DPP10: variants seen among roughly 807,000 people sequenced by gnomAD.
The protein encoded by DPP10 is dipeptidyl peptidase like 10, also known as inactive dipeptidyl peptidase 10.
DPP10 carries 33 observed loss-of-function variants against 120.9 expected under a neutral mutation model. The observed-to-expected ratio is 0.27, with a 90% CI of 0.21 to 0.37. The LOEUF is 0.37. Among genes scored for constraint, DPP10 ranks in the 10% least tolerant of loss-of-function variants. The pLI, the probability that DPP10 is intolerant of heterozygous loss-of-function variation, is 1.00. For missense variants in DPP10, 816 were observed against 942.8 expected, an observed-to-expected ratio of 0.87 and a Z score of 1.76; for synonymous variants, 337 against 326.1, an observed-to-expected ratio of 1.03 and a Z score of -0.36.
At chr2:114,538,375 C>T (rs1024454392) in intron 1 of DPP10, among the ~76,000 whole-genome samples, 7 of 152,134 alleles carry the variant, frequency 4.6e-5, no homozygotes, top group Admixed American at 2.0e-4. Flanking sequence ...TTTTGGAGAT[C>T]TAGTGCAAAC....
At chr2:115,397,917 G>C (rs1559542091) in intron 3 of DPP10, among the ~76,000 whole-genome samples, 1 of 152,148 alleles carries the variant, frequency 6.6e-6, no homozygotes, top group East Asian at 1.9e-4. Context: ...AACCTCTGTT[G>C]AATCCCAAAT....
chr2:114,525,866 T>A (rs1685455971), intron 1 of DPP10, among the ~76,000 whole-genome samples: 1 of 152,194 alleles, frequency 6.6e-6, no homozygotes, highest in Admixed American at 6.5e-5. Flanking sequence ...GCATCCTACC[T>A]TTACCATGAA....
In DPP10 at chr2:115,766,310, G is replaced by GTGTGTGTGTATATA. The variant is rs1371625141; in HGVS notation, c.1114-1986_1114-1985insGTGTGTGTATATAT. On this transcript the variant is annotated intron_variant, in intron 12 of 25. Coordinates refer to ENST00000410059, the MANE Select transcript of DPP10 (RefSeq NM_020868.6). ...TATGTGTGTGTGTGTGTGTGTGTGT[G>GTGTGTGTGTATATA]TATATATATATATATGTATATATAT... Among the ~76,000 whole-genome samples, 37 of 81,734 alleles carry GTGTGTGTGTATATA rather than the reference G, an allele frequency of 4.5e-4. 1 individual carries two copies. Among genetic ancestry groups the GTGTGTGTGTATATA allele is most frequent in the East Asian group, 1.2e-3 (2 of 1,632 alleles). 53.6% of individuals were successfully genotyped at this position (81,734 alleles called of 152,430 possible).
At chr2:115,370,771 T>A (rs916448612) in intron 3 of DPP10, among the ~76,000 whole-genome samples, 3 of 152,070 alleles carry the variant, frequency 2.0e-5, no homozygotes, top group African/African-American at 7.2e-5. Context: ...TGTTAAAACA[T>A]GAACTGGTAG....
chr2:114,886,456 C>T (rs1339421501), intron 1 of DPP10, among the ~76,000 whole-genome samples: 1 of 152,112 alleles, frequency 6.6e-6, no homozygotes, highest in Non-Finnish European at 1.5e-5. Context: ...TTTAAAACCC[C>T]ATAATAGTGC....
At chr2:115,781,973 T>C (rs1225929435) in intron 16 of DPP10, among the ~76,000 whole-genome samples, 1 of 151,964 alleles carries the variant, frequency 6.6e-6, no homozygotes, top group Non-Finnish European at 1.5e-5. Context: ...GAGTGGCAAA[T>C]AGAATTTGAT....
chr2:114,884,864 C>T (rs1161840862), intron 1 of DPP10, among the ~76,000 whole-genome samples: 1 of 152,158 alleles, frequency 6.6e-6, no homozygotes, highest in African/African-American at 2.4e-5. Context: ...GTCTCCAATA[C>T]AAGTTGGAGA....
intron 1 of DPP10, among the ~76,000 whole-genome samples, chr2:114,897,239 T>C (rs1693094629): frequency 6.6e-6 from 1 of 152,214 alleles, no homozygotes; most frequent in Non-Finnish European, 1.5e-5. Flanking sequence ...ATCAGGATGA[T>C]GCTGGCCTCA....
chr2:115,177,847 T>A (rs2053805088), intron 1 of DPP10, among the ~76,000 whole-genome samples: 1 of 152,138 alleles, frequency 6.6e-6, no homozygotes, highest in Non-Finnish European at 1.5e-5. Flanking sequence ...CGCTGCAAGC[T>A]CCGCCTGCCA....
chr2:115,061,676 G>A (rs1395022108), intron 1 of DPP10, among the ~76,000 whole-genome samples: 2 of 152,134 alleles, frequency 1.3e-5, no homozygotes, highest in Admixed American at 1.3e-4. Flanking sequence ...AAGTATGCCA[G>A]GCCCTCTAAT....
chr2:115,318,973 A>T (rs1442956270), intron 2 of DPP10, among the ~76,000 whole-genome samples: 2 of 152,074 alleles, frequency 1.3e-5, no homozygotes, highest in Non-Finnish European at 2.9e-5. Context: ...GTAAAAGTGG[A>T]TATTCTCGTC....
At chr2:115,585,267 G>T (rs555585615) in intron 5 of DPP10, among the ~76,000 whole-genome samples, 7 of 152,096 alleles carry the variant, frequency 4.6e-5, no homozygotes, top group Admixed American at 3.3e-4. Flanking sequence ...AATTCCAAAG[G>T]TCTTAATATT....
rs528415116 is a variant in DPP10, at chr2:114,880,995, T to G, written c.61-428244T>G. Among the ~76,000 whole-genome samples, 13 of 152,304 alleles carry G rather than the reference T, an allele frequency of 8.5e-5. No homozygotes were observed. The East Asian group carries it at 1.7e-3, about 20-fold the overall frequency. ...AGTCAGTACTTGCTTATCTTTCTGA[T>G]GCCAGTGTGACTGCAAGTGTGACCC... On this transcript the variant is annotated intron_variant, in intron 1 of 25. Coordinates refer to ENST00000410059, the MANE Select transcript of DPP10 (RefSeq NM_020868.6).
chr2:115,422,154 T>A (rs1189701026), intron 3 of DPP10, among the ~76,000 whole-genome samples: 2 of 152,040 alleles, frequency 1.3e-5, no homozygotes, highest in African/African-American at 4.8e-5. Context: ...GTTTAATGAG[T>A]TCTGTTACTG....
intron 9 of DPP10, among the ~76,000 whole-genome samples, chr2:115,741,062 G>A (rs1028925929): frequency 2.0e-5 from 3 of 152,060 alleles, no homozygotes; most frequent in Non-Finnish European, 4.4e-5. Context: ...CCCTGTCAGG[G>A]TGGGGGTGAG....
chr2:114,881,343 T>C (rs1691588363), intron 1 of DPP10, among the ~76,000 whole-genome samples: 1 of 152,080 alleles, frequency 6.6e-6, no homozygotes, highest in South Asian at 2.1e-4. Context: ...AAAATCATGG[T>C]CCTTTAGTAC....
intron 1 of DPP10, among the ~76,000 whole-genome samples, chr2:114,561,486 A>C (rs193268438): frequency 6.6e-6 from 1 of 152,220 alleles, no homozygotes; most frequent in African/African-American, 2.4e-5. Context: ...CCACAAATAC[A>C]TGTGCACACA....
intron 1 of DPP10, among the ~76,000 whole-genome samples, chr2:114,807,076 TA>T (rs751581223): frequency 6.6e-6 from 1 of 152,224 alleles, no homozygotes; most frequent in Non-Finnish European, 1.5e-5. Context: ...TTAAGTTACG[TA>T]ACATAATGCA....
At chr2:115,034,798 G>C (rs1704112045) in intron 1 of DPP10, among the ~76,000 whole-genome samples, 1 of 152,150 alleles carries the variant, frequency 6.6e-6, no homozygotes, top group Non-Finnish European at 1.5e-5. Context: ...CTAAGTCTCT[G>C]GACTTTTGAT....
Sources: allele counts gnomAD v4.1 joint callset (sites outside exome capture counted in the v4.1 genomes callset), GRCh38; gene constraint gnomAD v4.1.1; transcripts MANE v1.5; gene names NCBI Gene and HGNC (gene_info 2026-07-23, HGNC 2026-07-21).